The following CCDC144A variants were observed in gnomAD, a reference collection of about 807,000 sequenced individuals.
CCDC144A encodes coiled-coil domain-containing protein 144A.
In CCDC144A, 41 loss-of-function variants were observed where a neutral mutation model predicts 143.8. The ratio of observed to expected loss-of-function variants is 0.29; its 90% CI spans 0.22 to 0.37. The LOEUF (loss-of-function observed/expected upper bound fraction) is 0.37, where lower values mean the gene tolerates loss of function less well. Among genes scored for constraint, CCDC144A ranks in the 10% least tolerant of loss-of-function variants. The pLI is 1.00. For synonymous variants in CCDC144A, 242 were observed against 517.9 expected, an observed-to-expected ratio of 0.47 and a Z score of 7.23; for missense variants, 637 against 1,488.8, an observed-to-expected ratio of 0.43 and a Z score of 9.41.
At chr17:16,726,691 G>T (rs1296226919) in intron 8 of CCDC144A, among the ~76,000 whole-genome samples, 1 of 151,974 alleles carries the variant, frequency 6.6e-6, no homozygotes, top group African/African-American at 2.4e-5. Context: ...TTGATCTGGG[G>T]CGGTTTTCTG....
intron 12 of CCDC144A, among the ~76,000 whole-genome samples, chr17:16,742,722 T>A (rs1320974530): frequency 6.6e-6 from 1 of 152,154 alleles, no homozygotes; most frequent in Non-Finnish European, 1.5e-5. Flanking sequence ...ACTTCTGGTT[T>A]CTTTGTTTTT....
chr17:16,679,273 A>T, the CCDC144A span, among the ~76,000 whole-genome samples: 1 of 152,086 alleles, frequency 6.6e-6, no homozygotes, highest in African/African-American at 2.4e-5. Context: ...GATGATATAG[A>T]TATGGATAGG....
chr17:16,759,098 C>G (rs1915237237), intron 12 of CCDC144A, among the ~76,000 whole-genome samples: 1 of 152,176 alleles, frequency 6.6e-6, no homozygotes, highest in African/African-American at 2.4e-5. Context: ...CTCCTGGCAG[C>G]ACCCTGGATT....
chr17:16,671,175 G>C, the CCDC144A span, among the ~76,000 whole-genome samples: 1 of 151,920 alleles, frequency 6.6e-6, no homozygotes, highest in African/African-American at 2.4e-5. Flanking sequence ...TAGAGACAGG[G>C]TTTTGCCATG....
At chr17:16,732,981 A>T (rs1231758939) in intron 11 of CCDC144A, among the ~76,000 whole-genome samples, 3 of 151,694 alleles carry the variant, frequency 2.0e-5, no homozygotes, top group Admixed American at 6.6e-5. Flanking sequence ...CTTGCTACTA[A>T]CAACAGACGT....
chr17:16,704,230 G>A (rs1196955901), intron 2 of CCDC144A, among the ~76,000 whole-genome samples: 1 of 152,096 alleles, frequency 6.6e-6, no homozygotes, highest in East Asian at 1.9e-4. Flanking sequence ...CAAGGCAGGC[G>A]GATCATGAGG....
At chr17:16,667,672 A>T in the CCDC144A span, among the ~76,000 whole-genome samples, 3,805 of 151,982 alleles carry the variant, frequency 0.025, 63 homozygotes, top group Non-Finnish European at 0.031. Context: ...TATTGGCAAG[A>T]ATGTTATTTA....
At chr17:16,767,998 A>G (rs1915679236) in intron 15 of CCDC144A, among the ~76,000 whole-genome samples, 1 of 152,272 alleles carries the variant, frequency 6.6e-6, no homozygotes. Context: ...AGGCCTGGAA[A>G]TTATTACCAC....
At chr17:16,697,528 T>C (rs1434344910) in intron 2 of CCDC144A, among the ~76,000 whole-genome samples, 1 of 152,260 alleles carries the variant, frequency 6.6e-6, no homozygotes, top group Non-Finnish European at 1.5e-5. Context: ...AGTTTCCTTG[T>C]GCTGTCCTCA....
At chr17:16,682,335 T>C in the CCDC144A span, among the ~76,000 whole-genome samples, 1 of 151,652 alleles carries the variant, frequency 6.6e-6, no homozygotes, top group Non-Finnish European at 1.5e-5. Flanking sequence ...AACTATAAAA[T>C]GGGAGTTGCC....
intron 4 of CCDC144A, among the ~76,000 whole-genome samples, chr17:16,708,186 G>A (rs1265874361): frequency 6.6e-6 from 1 of 152,170 alleles, no homozygotes; most frequent in African/African-American, 2.4e-5. Flanking sequence ...GGGGACCATA[G>A]TATATATTAG....
At chr17:16,743,543 T>G (rs1161859827) in intron 12 of CCDC144A, among the ~76,000 whole-genome samples, 1 of 151,988 alleles carries the variant, frequency 6.6e-6, no homozygotes, top group Non-Finnish European at 1.5e-5. Flanking sequence ...CTCTGTTCTT[T>G]TCCCTCAGGC....
At chr17:16,667,107 C>G in the CCDC144A span, 1 of 141,280 alleles carries the variant, frequency 7.1e-6, no homozygotes, top group Non-Finnish European at 1.5e-5. Flanking sequence ...TAGCAGCCGG[C>G]GGCCAGGAGC....
chr17:16,713,549 A>G (rs1339460377), intron 6 of CCDC144A, among the ~76,000 whole-genome samples: 1 of 152,172 alleles, frequency 6.6e-6, no homozygotes, highest in Non-Finnish European at 1.5e-5. Context: ...AATATTCTAG[A>G]ATTAGATGAT....
intron 2 of CCDC144A, among the ~76,000 whole-genome samples, chr17:16,702,863 A>G (rs1911813488): frequency 6.6e-6 from 1 of 151,972 alleles, no homozygotes; most frequent in Non-Finnish European, 1.5e-5. Context: ...GTGAACGTGC[A>G]GCACCAAAAC....
upstream of CCDC144A, among the ~76,000 whole-genome samples, chr17:16,687,091 G>A (rs146830760): frequency 2.2e-3 from 336 of 152,316 alleles, no homozygotes; most frequent in African/African-American, 7.2e-3. Context: ...TCAGCAGAGT[G>A]TGCCATTCCC....
intron 12 of CCDC144A, among the ~76,000 whole-genome samples, chr17:16,742,703 G>A: frequency 6.6e-6 from 1 of 152,036 alleles, no homozygotes; most frequent in Non-Finnish European, 1.5e-5. Context: ...AACCTCGCCA[G>A]GATTTTTTAC....
At chr17:16,746,612 C>G (rs1914533301) in intron 12 of CCDC144A, 2 of 1,613,372 alleles carry the variant, frequency 1.2e-6, no homozygotes, top group Non-Finnish European at 1.7e-6. Context: ...ATCAGGATTC[C>G]TAAAATTAAT....
chr17:16,705,276 C>A lies in CCDC144A; in HGVS notation c.541C>A (p.Leu181Met), dbSNP rs1911981260. Residue 181 changes from leucine to methionine, a missense_variant, in exon 3 of 17, where the codon CTG becomes ATG. Coordinates refer to ENST00000399273, the MANE Select transcript of CCDC144A (RefSeq NM_001382000.1). Reference sequence around the variant, plus strand: ...TGAAAATCAGTCAGCAACCAAAGAACTGGGACAGATGAACTTAACAGAACG... The same window carrying A: ...TGAAAATCAGTCAGCAACCAAAGAAATGGGACAGATGAACTTAACAGAACG... ...MPENQSATKE[L>M]GQMNLTEREK... 12 of 962,546 alleles carry A rather than the reference C, an allele frequency of 1.2e-5. No homozygotes were observed. The highest frequency in any genetic ancestry group is 2.0e-5 in the Non-Finnish European group (12 of 599,082). The allele number at this position is 962,546 out of a possible 1,614,324, so 59.6% of individuals were successfully genotyped here. A position where few individuals can be genotyped will look rare whatever the true frequency, so the allele number is the denominator to read the frequency against.
Sources: allele counts gnomAD v4.1 joint callset (sites outside exome capture counted in the v4.1 genomes callset), GRCh38; gene constraint gnomAD v4.1.1; transcripts MANE v1.5; gene names NCBI Gene and HGNC (gene_info 2026-07-23, HGNC 2026-07-21).